The following MMS22L variants were observed in gnomAD, a reference collection of about 807,000 sequenced individuals.
MMS22L encodes MMS22 like, DNA repair protein, also known as protein MMS22-like.
MMS22L carries 74 observed loss-of-function variants against 159.1 expected under a neutral mutation model. The observed-to-expected ratio is 0.47, with a 90% CI of 0.39 to 0.56. The LOEUF is 0.56. Ranked by LOEUF, MMS22L falls within the 20% of genes least tolerant of loss-of-function variation. MMS22L has a pLI of 0.00. For synonymous variants in MMS22L, 517 were observed against 506.9 expected, an observed-to-expected ratio of 1.02 and a Z score of -0.27; for missense variants, 1,351 against 1,422.1, an observed-to-expected ratio of 0.95 and a Z score of 0.80.
At chr6:97,279,045 G>A (rs1362014209) in intron 3 of MMS22L, 147 bp from the exon 4 acceptor site, 12 of 619,220 alleles carry the variant, frequency 1.9e-5, no homozygotes, top group Non-Finnish European at 3.0e-5. Context: ...TTAATTAAAG[G>A]ATCAGCTTCA....
chr6:97,184,347 G>C (rs1805008962), intron 15 of MMS22L, among the ~76,000 whole-genome samples: 1 of 152,008 alleles, frequency 6.6e-6, no homozygotes. Context: ...TGCTCTATGG[G>C]TGATCTCATC....
intron 14 of MMS22L, among the ~76,000 whole-genome samples, chr6:97,213,518 C>A (rs1030515144): frequency 2.0e-5 from 3 of 152,136 alleles, no homozygotes; most frequent in Non-Finnish European, 4.4e-5. Flanking sequence ...AAAGGAGAAG[C>A]AATAGCAGCT....
chr6:97,260,204 T>C (rs1330099029), intron 9 of MMS22L: 1 of 152,156 alleles, frequency 6.6e-6, no homozygotes, highest in African/African-American at 2.4e-5. Flanking sequence ...AATACGTAGA[T>C]TTAGATCTTT....
chr6:97,164,427 A>G (rs1802751885), intron 21 of MMS22L, among the ~76,000 whole-genome samples: 1 of 151,962 alleles, frequency 6.6e-6, no homozygotes, highest in African/African-American at 2.4e-5. Flanking sequence ...GGCAATGACA[A>G]AACATTTTTT....
chr6:97,149,991 T>C lies in MMS22L; in HGVS notation c.3512A>G (p.Tyr1171Cys), dbSNP rs758622895. The change falls in exon 24 of 25, where the codon TAC (tyrosine) becomes TGC (cysteine). Residue 1171 changes from tyrosine to cysteine, a missense_variant. Coordinates refer to ENST00000683635, the MANE Select transcript of MMS22L (RefSeq NM_001350599.2). ...TAAAATGCTGTAAACCTGGTAATAG[T>C]ACCTCATACCATAATCCTGGATAAA... ...RQFIQDYGMRYYYQVYSILET... is the reference protein window; with the variant it reads ...RQFIQDYGMRCYYQVYSILET... 6.8e-6 allele frequency: 11 copies of C among 1,613,458 alleles called. No individual in the cohort carries two copies. In the Admixed American group the frequency reaches 1.2e-4, roughly 17 times the overall value.
intron 14 of MMS22L, among the ~76,000 whole-genome samples, chr6:97,220,724 T>C (rs1343232884): frequency 6.6e-6 from 1 of 152,110 alleles, no homozygotes; most frequent in African/African-American, 2.4e-5. Context: ...TATGTCACAT[T>C]TGTACCTTTA....
chr6:97,239,585 A>G (rs988136451), intron 11 of MMS22L, among the ~76,000 whole-genome samples: 1 of 152,250 alleles, frequency 6.6e-6, no homozygotes, highest in African/African-American at 2.4e-5. Context: ...CTAGCTAGAA[A>G]AAAGAATTCA....
At chr6:97,160,981 T>C (rs1802379108) in intron 22 of MMS22L, among the ~76,000 whole-genome samples, 2 of 152,102 alleles carry the variant, frequency 1.3e-5, no homozygotes, top group African/African-American at 4.8e-5. Context: ...TTTCTTCATT[T>C]ATCACACATT....
At chr6:97,235,866 A>G (rs1236889380) in intron 11 of MMS22L, among the ~76,000 whole-genome samples, 1 of 152,246 alleles carries the variant, frequency 6.6e-6, no homozygotes, top group Non-Finnish European at 1.5e-5. Context: ...CACTTCTAAC[A>G]TAAAAGAAGA....
chr6:97,186,422 A>C, intron 15 of MMS22L, 75 bp downstream of exon 15: 1 of 1,265,156 alleles, frequency 7.9e-7, no homozygotes, highest in Non-Finnish European at 1.1e-6. Flanking sequence ...AGAGTTTGTT[A>C]CTAAGAAAAT....
At chr6:97,252,668 C>T (rs1813369601) in intron 10 of MMS22L, among the ~76,000 whole-genome samples, 2 of 149,876 alleles carry the variant, frequency 1.3e-5, no homozygotes, top group Middle Eastern at 3.5e-3. Flanking sequence ...AAAAGTAGTA[C>T]AATCTATTTC....
rs551827726 is a variant in MMS22L at position 97,253,240 on chromosome 6, A to T, written c.1119+1317T>A. 4.6e-5 allele frequency among the ~76,000 whole-genome samples: 7 copies of T among 152,268 alleles called. No homozygotes were observed. In the East Asian group the frequency reaches 1.4e-3, roughly 29 times the overall value. ...AGACCCTTTCCATTTCTATGATGCT[A>T]TATTAATACTAACTAACCCTCAGAT... On this transcript the variant is annotated intron_variant, in intron 10 of 24. Coordinates refer to ENST00000683635, the MANE Select transcript of MMS22L (RefSeq NM_001350599.2).
At chr6:97,151,925 A>G in intron 22 of MMS22L, 58 bp from the exon 23 acceptor site, 1 of 1,266,898 alleles carries the variant, frequency 7.9e-7, no homozygotes, top group Non-Finnish European at 1.1e-6. Flanking sequence ...CTGGATCCTC[A>G]TTTTTATGAA....
At chr6:97,282,782 G>GGACAAGGT (rs1304779210) in intron 1 of MMS22L, among the ~76,000 whole-genome samples, 1 of 152,208 alleles carries the variant, frequency 6.6e-6, no homozygotes, top group East Asian at 1.9e-4. Flanking sequence ...CTGCAGCCCA[G>GGACAAGGT]GACAAGGTGA....
At chr6:97,269,144 T>C (rs1815467945) in intron 7 of MMS22L, among the ~76,000 whole-genome samples, 1 of 152,014 alleles carries the variant, frequency 6.6e-6, no homozygotes, top group South Asian at 2.1e-4. Flanking sequence ...ATAAAGCAAA[T>C]ATAGACAATA....
At position 97,229,231 on chromosome 6, in the gene MMS22L, C is replaced by T. The variant is rs1266685449; in HGVS notation, c.1702G>A (p.Ala568Thr). The T allele has an allele frequency of 1.2e-6, 2 of 1,613,946 alleles. No homozygotes were observed. Among genetic ancestry groups the T allele is most frequent in the African/African-American group, 1.3e-5 (1 of 74,906 alleles). The change falls in exon 14 of 25, where the codon GCC (alanine) becomes ACC (threonine). Residue 568 changes from alanine to threonine, a missense_variant. Coordinates refer to ENST00000683635, the MANE Select transcript of MMS22L (RefSeq NM_001350599.2). ...LKPAFVTSQR[A>T]LIWKGHMAFL... ...GCCATGTGACCCTTCCAAATGAGGG[C>T]TCTCTGAGACGTTACAAAAGCAGGC...
At chr6:97,160,331 G>A (rs1231990679) in intron 22 of MMS22L, among the ~76,000 whole-genome samples, 1 of 151,944 alleles carries the variant, frequency 6.6e-6, no homozygotes. Context: ...ATTTGAGAAG[G>A]TCTGTTTCAT....
At chr6:97,228,000 T>C (rs1346807431) in intron 14 of MMS22L, among the ~76,000 whole-genome samples, 1 of 152,240 alleles carries the variant, frequency 6.6e-6, no homozygotes, top group African/African-American at 2.4e-5. Flanking sequence ...GAATTATCTA[T>C]GTTAATTTCA....
intron 14 of MMS22L, among the ~76,000 whole-genome samples, chr6:97,195,301 G>A (rs1205191451): frequency 3.9e-5 from 6 of 152,192 alleles, no homozygotes. Context: ...CAGATGAACA[G>A]CAGATGAACT....
Sources: allele counts gnomAD v4.1 joint callset (sites outside exome capture counted in the v4.1 genomes callset), GRCh38; gene constraint gnomAD v4.1.1; transcripts MANE v1.5; gene names NCBI Gene and HGNC (gene_info 2026-07-23, HGNC 2026-07-21).